METTL16: variants seen among roughly 807,000 people sequenced by gnomAD.
The protein encoded by METTL16 is RNA N(6)-adenosine-methyltransferase METTL16.
A neutral mutation model predicts 57.9 loss-of-function variants in METTL16; 19 were observed. The observed-to-expected ratio is 0.33, with a 90% CI of 0.23 to 0.48. The LOEUF is 0.48. Ranked by LOEUF, METTL16 falls within the 20% of genes least tolerant of loss-of-function variation. The probability of loss-of-function intolerance (pLI) is 0.99; values close to 1 mark genes in which losing one functional copy is unlikely to be tolerated. For synonymous variants in METTL16, 246 were observed against 255.6 expected (o/e 0.96, Z 0.36); for missense variants, 434 against 691.5 (o/e 0.63, Z 4.18).
chr17:2,488,624 G>C (rs2067361135), intron 2 of METTL16, among the ~76,000 whole-genome samples: 1 of 152,120 alleles, frequency 6.6e-6, no homozygotes, highest in Non-Finnish European at 1.5e-5. Context: ...GCTAGAACAT[G>C]GATAAGTCTT....
intron 8 of METTL16, among the ~76,000 whole-genome samples, chr17:2,422,733 C>A (rs1020883023): frequency 7.9e-5 from 12 of 152,108 alleles, no homozygotes; most frequent in South Asian, 2.1e-4. Flanking sequence ...CCTGTAATCC[C>A]AGCACTTTCG....
chr17:2,449,531 A>T (rs1217189436), intron 6 of METTL16, among the ~76,000 whole-genome samples: 1 of 151,946 alleles, frequency 6.6e-6, no homozygotes. Context: ...AAAACAAAAA[A>T]CAAACAAAAA....
chr17:2,479,505 G>A (rs2067289535), intron 2 of METTL16, among the ~76,000 whole-genome samples: 1 of 152,034 alleles, frequency 6.6e-6, no homozygotes, highest in African/African-American at 2.4e-5. Flanking sequence ...AAAGTCAGTA[G>A]ATGGGGTATG....
intron 8 of METTL16, among the ~76,000 whole-genome samples, chr17:2,430,460 G>T (rs1219909774): frequency 1.5e-5 from 2 of 135,558 alleles, no homozygotes; most frequent in African/African-American, 5.5e-5. Flanking sequence ...CTGTCGCCCA[G>T]GCTGGAGTGC....
chr17:2,487,324 A>G (rs1328817974), intron 2 of METTL16, among the ~76,000 whole-genome samples: 1 of 152,220 alleles, frequency 6.6e-6, no homozygotes, highest in Non-Finnish European at 1.5e-5. Flanking sequence ...AGAAATAAAC[A>G]TGTAAGTGAT....
chr17:2,436,858 T>C (rs1237826655), intron 8 of METTL16: 1 of 151,872 alleles, frequency 6.6e-6, no homozygotes, highest in Admixed American at 6.6e-5. Flanking sequence ...CAAAGAGACA[T>C]CTGTGAACAA....
At chr17:2,498,904 AC>A (rs973676464) in intron 2 of METTL16, among the ~76,000 whole-genome samples, 4 of 151,374 alleles carry the variant, frequency 2.6e-5, no homozygotes, top group African/African-American at 9.8e-5. Context: ...TGTCCACTGC[AC>A]CCCAGCCACG....
chr17:2,471,661 C>T (rs916025550), intron 4 of METTL16, among the ~76,000 whole-genome samples: 5 of 151,972 alleles, frequency 3.3e-5, no homozygotes, highest in South Asian at 2.1e-4. Flanking sequence ...CGGTGGCGGG[C>T]GCCTGTAGTC....
chr17:2,446,040 T>C (rs894061627), intron 6 of METTL16, among the ~76,000 whole-genome samples: 7 of 152,122 alleles, frequency 4.6e-5, no homozygotes, highest in African/African-American at 1.4e-4. Context: ...AAAAAGCATT[T>C]GGAAAAAGTC....
intron 2 of METTL16, among the ~76,000 whole-genome samples, chr17:2,494,626 A>G (rs1295151711): frequency 1.3e-5 from 2 of 151,962 alleles, no homozygotes; most frequent in Non-Finnish European, 2.9e-5. Context: ...GGATTGCTTG[A>G]GCCCAGGAAT....
In METTL16 at chr17:2,420,764, C is replaced by A; in HGVS notation, c.1029G>T (p.Thr343=). 1 of 1,613,910 alleles carries A rather than the reference C, an allele frequency of 6.2e-7. No individual in the cohort carries two copies. The change falls in exon 9 of 10, where the codon ACG becomes ACT. Residue 343 remains threonine, a synonymous_variant. Transcript: ENST00000263092. The surrounding 1 kb of genome is among the most constrained non-coding windows in gnomAD (Gnocchi z 5.4). The part of the protein sequence containing the change: ...SETAEGIVVV[T]TWIEKILTDL... The stretch of plus-strand genomic sequence containing the variant: ...CAGTGAGAATTTTTTCAATCCATGT[C>A]GTGACAACGACTATGCCTTCCGCCG...
At chr17:2,483,916 G>A (rs2067324383) in intron 2 of METTL16, among the ~76,000 whole-genome samples, 1 of 152,206 alleles carries the variant, frequency 6.6e-6, no homozygotes, top group Admixed American at 6.5e-5. Flanking sequence ...ACCATGCTAA[G>A]GCATTCAAAC....
intron 4 of METTL16, among the ~76,000 whole-genome samples, chr17:2,468,847 C>T (rs1336774531): frequency 6.6e-6 from 1 of 152,000 alleles, no homozygotes; most frequent in African/African-American, 2.4e-5. Context: ...ATGATCACGC[C>T]ACGGCACACC....
chr17:2,431,531 C>A (rs2066874268), intron 8 of METTL16, among the ~76,000 whole-genome samples: 1 of 152,114 alleles, frequency 6.6e-6, no homozygotes, highest in African/African-American at 2.4e-5. Flanking sequence ...GCAAGCTCAG[C>A]TCTCATAAAT....
At chr17:2,496,298 C>T (rs933500376) in intron 2 of METTL16, among the ~76,000 whole-genome samples, 4 of 151,472 alleles carry the variant, frequency 2.6e-5, no homozygotes, top group African/African-American at 4.9e-5. Flanking sequence ...TTCCAAATTA[C>T]GTCAAACAGT....
intron 2 of METTL16, among the ~76,000 whole-genome samples, chr17:2,487,379 A>G (rs1203284081): frequency 6.6e-6 from 1 of 152,244 alleles, no homozygotes; most frequent in Admixed American, 6.5e-5. Flanking sequence ...ACAGCGATGA[A>G]GGAGAAAATA....
intron 1 of METTL16, among the ~76,000 whole-genome samples, chr17:2,507,968 T>C (rs1430570363): frequency 1.3e-5 from 2 of 152,154 alleles, no homozygotes; most frequent in Non-Finnish European, 2.9e-5. Flanking sequence ...TAATCTCAAG[T>C]ACCCAGGGAC....
intron 2 of METTL16, among the ~76,000 whole-genome samples, chr17:2,489,032 C>A (rs757366678): frequency 7.9e-5 from 12 of 152,018 alleles, no homozygotes; most frequent in Non-Finnish European, 1.3e-4. Flanking sequence ...ACTGATAACC[C>A]TAAGTTAACC....
chr17:2,502,920 A>G (rs532374306), intron 1 of METTL16, among the ~76,000 whole-genome samples: 1 of 152,282 alleles, frequency 6.6e-6, no homozygotes, highest in East Asian at 1.9e-4. Flanking sequence ...AAAAACAAAA[A>G]TAAAAAATTA....
Sources: gnomAD v4.1 joint callset for allele counts (sites outside exome capture counted in the v4.1 genomes callset) on GRCh38, gnomAD v4.1.1 for gene constraint, Gnocchi (gnomAD v3.1) non-coding constraint, MANE v1.5 for transcripts, NCBI Gene and HGNC (gene_info 2026-07-23, HGNC 2026-07-21) for gene names.